Variants in BTBD9 observed in about 807,000 individuals in gnomAD.
BTBD9 encodes BTB domain containing 9, also known as BTB/POZ domain-containing protein 9.
BTBD9 carries 49 observed loss-of-function variants against 64.3 expected under a neutral mutation model. That is an observed-to-expected ratio of 0.76 (90% CI 0.61 to 0.97). The LOEUF (loss-of-function observed/expected upper bound fraction) is 0.97. Among genes scored for constraint, BTBD9 ranks in the 50% least tolerant of loss-of-function variants. The probability of loss-of-function intolerance (pLI) is 0.00; values close to 1 mark genes in which losing one functional copy is unlikely to be tolerated. For synonymous variants in BTBD9, 260 were observed against 274.7 expected (o/e 0.95, Z 0.53); for missense variants, 598 against 762.1 (o/e 0.78, Z 2.53).
At chr6:38,443,973 C>T (rs1769158147) in intron 6 of BTBD9, among the ~76,000 whole-genome samples, 1 of 152,216 alleles carries the variant, frequency 6.6e-6, no homozygotes, top group Non-Finnish European at 1.5e-5. Context: ...CCTCTACAGG[C>T]TGCATCAGTG....
intron 6 of BTBD9, among the ~76,000 whole-genome samples, chr6:38,348,918 A>C (rs964646751): frequency 6.6e-6 from 1 of 152,064 alleles, no homozygotes; most frequent in Non-Finnish European, 1.5e-5. Flanking sequence ...AAATATGCAT[A>C]TATTTTTTGA....
At chr6:38,455,077 T>A in intron 6 of BTBD9, among the ~76,000 whole-genome samples, 1 of 152,314 alleles carries the variant, frequency 6.6e-6, no homozygotes, top group East Asian at 1.9e-4. Flanking sequence ...AATAAATATT[T>A]ACTCAATACC....
intron 6 of BTBD9, among the ~76,000 whole-genome samples, chr6:38,551,737 G>A (rs534300194): frequency 1.3e-5 from 2 of 152,286 alleles, no homozygotes; most frequent in South Asian, 4.1e-4. Context: ...GTATAGACAA[G>A]GAGGAGCCAC....
chr6:38,561,731 A>G (rs191335244), intron 6 of BTBD9, among the ~76,000 whole-genome samples: 34 of 152,290 alleles, frequency 2.2e-4, no homozygotes, highest in Admixed American at 2.2e-3. Context: ...TGGGAGCTAA[A>G]CAGTGGGTAC....
At chr6:38,416,586 C>T (rs1257380794) in intron 6 of BTBD9, among the ~76,000 whole-genome samples, 7 of 150,748 alleles carry the variant, frequency 4.6e-5, no homozygotes, top group Admixed American at 1.3e-4. Flanking sequence ...CCTCGTGATC[C>T]GCCTGCCTCA....
chr6:38,532,226 A>C (rs1773830991), intron 6 of BTBD9, among the ~76,000 whole-genome samples: 1 of 152,216 alleles, frequency 6.6e-6, no homozygotes, highest in Non-Finnish European at 1.5e-5. Flanking sequence ...TGATGGCCAC[A>C]ACAGCAGGAG....
chr6:38,308,127 T>C (rs1214351325), intron 7 of BTBD9, among the ~76,000 whole-genome samples: 3 of 152,094 alleles, frequency 2.0e-5, no homozygotes, highest in Non-Finnish European at 4.4e-5. Context: ...GCTGAGAAAA[T>C]CAATTCAAAG....
At chr6:38,287,606 T>G (rs1231853299) in intron 8 of BTBD9, among the ~76,000 whole-genome samples, 1 of 152,194 alleles carries the variant, frequency 6.6e-6, no homozygotes, top group Admixed American at 6.5e-5. Flanking sequence ...ACATACCATC[T>G]AGCCTAGGTG....
At position 38,221,401 on chromosome 6, in the gene BTBD9, C is replaced by CG. The variant is rs1260697487; in HGVS notation, c.1563-28805_1563-28804insC. On this transcript the variant is annotated intron_variant, in intron 9 of 10. Coordinates refer to ENST00000481247, the MANE Select transcript of BTBD9 (RefSeq NM_001099272.2). Reference sequence around the variant, plus strand: ...GCCACCTCCTGTCCAAAAGCCTCCCCCCAGGGAGCCACCACCACCATCTGC... The same window carrying CG: ...GCCACCTCCTGTCCAAAAGCCTCCCCGCCAGGGAGCCACCACCACCATCTGC... Among the ~76,000 whole-genome samples the CG allele has an allele frequency of 2.3e-4, 35 of 152,272 alleles. No individual in the cohort carries two copies. The East Asian group carries it at 6.4e-3, about 28-fold the overall frequency.
intron 6 of BTBD9, among the ~76,000 whole-genome samples, chr6:38,463,153 A>G (rs1268289427): frequency 6.6e-6 from 1 of 152,232 alleles, no homozygotes; most frequent in Admixed American, 6.5e-5. Flanking sequence ...TGATGCTATA[A>G]TAAATGAGTT....
chr6:38,252,111 C>T (rs1015421302), intron 9 of BTBD9, among the ~76,000 whole-genome samples: 5 of 151,922 alleles, frequency 3.3e-5, no homozygotes, highest in Admixed American at 3.3e-4. Context: ...GGAAAATATC[C>T]CACTCCTGGA....
chr6:38,635,791 G>A (rs145296918), intron 1 of BTBD9, among the ~76,000 whole-genome samples: 211 of 152,200 alleles, frequency 1.4e-3, no homozygotes, highest in African/African-American at 4.8e-3. Flanking sequence ...TAACCAGACT[G>A]TTCTTTATAA....
chr6:38,594,072 A>G lies in BTBD9; in HGVS notation c.441T>C (p.Asp147=). 1.9e-6 allele frequency: 3 copies of G among 1,614,184 alleles called. No individual in the cohort carries two copies. Among genetic ancestry groups the G allele is most frequent in the Non-Finnish European group, 8.5e-7 (1 of 1,180,018 alleles). Residue 147 remains aspartate, a synonymous_variant, in exon 3 of 11, where the codon GAT becomes GAC. Transcript: ENST00000481247. ...LNIQNVCMTF[D]VASLYSLPKL... is the part of the protein sequence containing the mutation. ...TGGGAAGTGAGTAGAGACTGGCAAC[A>G]TCAAAAGTCATGCAGACATTCTGAA...
intron 6 of BTBD9, among the ~76,000 whole-genome samples, chr6:38,354,869 G>A (rs955180212): frequency 6.6e-6 from 1 of 151,802 alleles, no homozygotes; most frequent in Non-Finnish European, 1.5e-5. Context: ...GCTCACCACA[G>A]CACAGAAATG....
At chr6:38,385,149 T>C (rs1562110087) in intron 6 of BTBD9, among the ~76,000 whole-genome samples, 1 of 147,670 alleles carries the variant, frequency 6.8e-6, no homozygotes, top group East Asian at 2.0e-4. Flanking sequence ...TTCACTTACT[T>C]TTGTAAGCAT....
At chr6:38,410,582 T>C (rs1247472904) in intron 6 of BTBD9, among the ~76,000 whole-genome samples, 1 of 152,226 alleles carries the variant, frequency 6.6e-6, no homozygotes, top group Non-Finnish European at 1.5e-5. Context: ...GAAGATTTTT[T>C]AAATGAACAG....
At chr6:38,427,148 C>T (rs937770544) in intron 6 of BTBD9, among the ~76,000 whole-genome samples, 2 of 150,916 alleles carry the variant, frequency 1.3e-5, no homozygotes, top group Non-Finnish European at 2.9e-5. Context: ...TGCAGTTCAG[C>T]CATAGCTGAA....
intron 7 of BTBD9, among the ~76,000 whole-genome samples, chr6:38,326,730 G>C (rs1329501236): frequency 6.9e-6 from 1 of 144,174 alleles, no homozygotes; most frequent in African/African-American, 2.5e-5. Flanking sequence ...GGCATCTACT[G>C]AACATTAATT....
intron 1 of BTBD9, among the ~76,000 whole-genome samples, chr6:38,631,270 G>T (rs976242703): frequency 1.3e-5 from 2 of 152,142 alleles, no homozygotes; most frequent in Non-Finnish European, 2.9e-5. Context: ...ATACAAGTCA[G>T]AAAAATTATT....
Sources: gnomAD v4.1 joint callset for allele counts (sites outside exome capture counted in the v4.1 genomes callset) on GRCh38, gnomAD v4.1.1 for gene constraint, MANE v1.5 for transcripts, NCBI Gene and HGNC (gene_info 2026-07-23, HGNC 2026-07-21) for gene names.